NXPH1: variants seen among roughly 807,000 people sequenced by gnomAD.
NXPH1 encodes neurexophilin-1.
In NXPH1, 5 loss-of-function variants were observed where a neutral mutation model predicts 23.7. The ratio of observed to expected loss-of-function variants is 0.21; its 90% CI spans 0.11 to 0.44. NXPH1 has a LOEUF of 0.44. NXPH1 is among the 20% of genes least tolerant of loss of function. The pLI is 0.99. For synonymous variants in NXPH1, 144 were observed against 122.2 expected (o/e 1.18, Z -1.18); for missense variants, 324 against 321.6 (o/e 1.01, Z -0.06).
chr7:8,526,108 G>A (rs1372053958), intron 2 of NXPH1, among the ~76,000 whole-genome samples: 1 of 152,182 alleles, frequency 6.6e-6, no homozygotes, highest in Non-Finnish European at 1.5e-5. Context: ...AGCCATGGGG[G>A]CAGAGCTGCC....
intron 2 of NXPH1, among the ~76,000 whole-genome samples, chr7:8,463,641 GCTA>G (rs1816730973): frequency 6.6e-6 from 1 of 151,834 alleles, no homozygotes; most frequent in Non-Finnish European, 1.5e-5. Flanking sequence ...TTAAAAAATA[GCTA>G]CTTATTTCAA....
intron 2 of NXPH1, among the ~76,000 whole-genome samples, chr7:8,471,762 T>C (rs1013597370): frequency 6.6e-6 from 1 of 152,178 alleles, no homozygotes; most frequent in Non-Finnish European, 1.5e-5. Context: ...GCTATTACTC[T>C]TACATTTCTC....
chr7:8,557,028 AAC>A (rs922217888), intron 2 of NXPH1, among the ~76,000 whole-genome samples: 1 of 151,736 alleles, frequency 6.6e-6, no homozygotes, highest in African/African-American at 2.4e-5. Context: ...CTAAATTCAT[AAC>A]ACATACGCTT....
chr7:8,626,968 C>T (rs1820005127), intron 2 of NXPH1, among the ~76,000 whole-genome samples: 1 of 152,124 alleles, frequency 6.6e-6, no homozygotes, highest in African/African-American at 2.4e-5. Context: ...CAAAGAGCCT[C>T]TCTGGGTGTT....
chr7:8,450,850 T>C (rs114919040), intron 2 of NXPH1, among the ~76,000 whole-genome samples: 1,983 of 152,344 alleles, frequency 0.013, 44 homozygotes, highest in African/African-American at 0.045. Context: ...TAATAATGTG[T>C]TCTATTAGTT....
intron 2 of NXPH1, among the ~76,000 whole-genome samples, chr7:8,666,180 T>A (rs1041812498): frequency 1.3e-5 from 2 of 152,148 alleles, no homozygotes; most frequent in South Asian, 4.1e-4. Context: ...GCTTTGGGCT[T>A]GTCATATATG....
chr7:8,536,625 C>T (rs544595419), intron 2 of NXPH1, among the ~76,000 whole-genome samples: 5 of 151,734 alleles, frequency 3.3e-5, no homozygotes, highest in South Asian at 2.1e-4. Context: ...AAGGAAGTGA[C>T]GTCATTGGTT....
chr7:8,650,586 T>C (rs1207892839), intron 2 of NXPH1, among the ~76,000 whole-genome samples: 1 of 152,212 alleles, frequency 6.6e-6, no homozygotes. Flanking sequence ...TCTTGCAGCT[T>C]TCTCCTTTTT....
At chr7:8,523,357 G>A (rs1817805797) in intron 2 of NXPH1, among the ~76,000 whole-genome samples, 1 of 152,146 alleles carries the variant, frequency 6.6e-6, no homozygotes, top group South Asian at 2.1e-4. Context: ...CCCCCAACCA[G>A]GTTTTCACTA....
intron 2 of NXPH1, among the ~76,000 whole-genome samples, chr7:8,735,059 T>C (rs533696562): frequency 3.9e-5 from 6 of 152,334 alleles, no homozygotes; most frequent in African/African-American, 1.4e-4. Context: ...CATGGGGTTT[T>C]CTAAATATAA....
intron 2 of NXPH1, among the ~76,000 whole-genome samples, chr7:8,716,874 C>G (rs1042866057): frequency 6.6e-5 from 10 of 152,186 alleles, no homozygotes; most frequent in African/African-American, 1.2e-4. Context: ...ATGGGGCACT[C>G]TAGTCTCTGG....
intron 2 of NXPH1, among the ~76,000 whole-genome samples, chr7:8,511,550 A>G (rs1050362464): frequency 2.0e-5 from 3 of 152,090 alleles, no homozygotes; most frequent in African/African-American, 4.8e-5. Context: ...TCACTCTGTA[A>G]GGAGTGGAGA....
intron 2 of NXPH1, among the ~76,000 whole-genome samples, chr7:8,504,687 A>T (rs1817493371): frequency 1.3e-5 from 2 of 152,040 alleles, no homozygotes; most frequent in African/African-American, 4.8e-5. Flanking sequence ...CCCTAAAGTG[A>T]TGATGTTAGG....
intron 2 of NXPH1, among the ~76,000 whole-genome samples, chr7:8,522,490 T>C (rs1428240764): frequency 6.6e-6 from 1 of 152,206 alleles, no homozygotes; most frequent in East Asian, 1.9e-4. Context: ...GAGTATGCAT[T>C]ATTGATTTTA....
intron 2 of NXPH1, among the ~76,000 whole-genome samples, chr7:8,690,558 A>G (rs2115183079): frequency 6.6e-6 from 1 of 152,356 alleles, no homozygotes; most frequent in East Asian, 1.9e-4. Context: ...GATATCAACA[A>G]ACATTTCAGC....
At chr7:8,673,780 T>C (rs917390895) in intron 2 of NXPH1, among the ~76,000 whole-genome samples, 2 of 152,082 alleles carry the variant, frequency 1.3e-5, no homozygotes, top group African/African-American at 4.8e-5. Flanking sequence ...ATTGCTATCA[T>C]TATTAGTAGT....
chr7:8,520,128 G>C (rs79229891), intron 2 of NXPH1, among the ~76,000 whole-genome samples: 5,267 of 152,150 alleles, frequency 0.035, 280 homozygotes, highest in African/African-American at 0.12. Context: ...AAAACTCCTT[G>C]ATCATGTGTC....
rs369018623 is a variant in NXPH1, at chr7:8,498,607, G to A, written c.54+62840G>A. Among the ~76,000 whole-genome samples the A allele has an allele frequency of 9.0e-4, 136 of 151,722 alleles. 1 individual carries two copies. Among genetic ancestry groups the A allele is most frequent in the African/African-American group, 3.1e-3 (129 of 41,302 alleles). On this transcript the variant is annotated intron_variant, in intron 2 of 2. Coordinates refer to ENST00000405863, the MANE Select transcript of NXPH1 (RefSeq NM_152745.3). ...ATTGAAAATAGTCTCTCATTTTTTTGTTCTTATTGGAACATCTCTTTTTCA... is the reference window on the plus strand; with the variant it reads ...ATTGAAAATAGTCTCTCATTTTTTTATTCTTATTGGAACATCTCTTTTTCA...
chr7:8,707,181 C>T (rs754104247), intron 2 of NXPH1, among the ~76,000 whole-genome samples: 3 of 152,156 alleles, frequency 2.0e-5, no homozygotes, highest in Non-Finnish European at 4.4e-5. Context: ...CACACTCACT[C>T]CACCCAATAT....
Sources: allele counts gnomAD v4.1 joint callset (sites outside exome capture counted in the v4.1 genomes callset), GRCh38; gene constraint gnomAD v4.1.1; transcripts MANE v1.5; gene names NCBI Gene and HGNC (gene_info 2026-07-23, HGNC 2026-07-21).